Variants in DIP2C observed in about 807,000 individuals in gnomAD.
The protein encoded by DIP2C is disco-interacting protein 2 homolog C.
In DIP2C, 33 loss-of-function variants were observed where a neutral mutation model predicts 192.4. The ratio of observed to expected loss-of-function variants is 0.17; its 90% CI spans 0.13 to 0.23. The LOEUF (loss-of-function observed/expected upper bound fraction) is 0.23. Ranked by LOEUF, DIP2C falls within the 10% of genes least tolerant of loss-of-function variation. The pLI is 1.00. For missense variants in DIP2C, 1,537 were observed against 2,110.1 expected (o/e 0.73, Z 5.32); for synonymous variants, 979 against 864.1 (o/e 1.13, Z -2.33).
chr10:463,365 A>AG (rs1969946162), intron 3 of DIP2C, among the ~76,000 whole-genome samples: 2 of 152,182 alleles, frequency 1.3e-5, no homozygotes, highest in Admixed American at 6.5e-5. Flanking sequence ...ATAGACCAAC[A>AG]GGGGGCCAAA....
intron 10 of DIP2C, among the ~76,000 whole-genome samples, chr10:396,232 G>A (rs1564658437): frequency 6.6e-6 from 1 of 152,182 alleles, no homozygotes; most frequent in Non-Finnish European, 1.5e-5. Context: ...ACAGTGAAAC[G>A]TTTCATGGCT....
intron 32 of DIP2C, among the ~76,000 whole-genome samples, chr10:305,993 A>ATATATATATATATATGTATG (rs958069491): frequency 5.6e-5 from 8 of 142,700 alleles, no homozygotes; most frequent in African/African-American, 2.1e-4. Context: ...ATATATATAT[A>ATATATATATATATATGTATG]TTATATTTTT....
intron 1 of DIP2C, among the ~76,000 whole-genome samples, chr10:596,903 G>T (rs959623247): frequency 6.6e-6 from 1 of 152,228 alleles, no homozygotes. Context: ...TGAGCAATGC[G>T]CATAGTGACG....
At chr10:417,636 G>A (rs865828005) in intron 6 of DIP2C, among the ~76,000 whole-genome samples, 8 of 11,748 alleles carry the variant, frequency 6.8e-4, no homozygotes, top group African/African-American at 9.0e-4. Flanking sequence ...GTCAGGGCTC[G>A]GATAGGCCTC....
chr10:519,865 G>A (rs1846588128), intron 1 of DIP2C, among the ~76,000 whole-genome samples: 1 of 152,024 alleles, frequency 6.6e-6, no homozygotes, highest in Non-Finnish European at 1.5e-5. Flanking sequence ...CATTGAGGGG[G>A]AGGGGCCAGT....
chr10:600,518 C>T (rs571809194), intron 1 of DIP2C, among the ~76,000 whole-genome samples: 1 of 152,000 alleles, frequency 6.6e-6, no homozygotes. Context: ...TCCGGAGCGA[C>T]CCCACAAGCC....
intron 17 of DIP2C, among the ~76,000 whole-genome samples, chr10:376,862 G>A (rs1035329187): frequency 5.9e-5 from 9 of 152,176 alleles, no homozygotes; most frequent in Non-Finnish European, 1.2e-4. Context: ...CGCACCGCGA[G>A]GGGAAATTCA....
chr10:538,343 G>A (rs1002905665), intron 1 of DIP2C, among the ~76,000 whole-genome samples: 7 of 151,366 alleles, frequency 4.6e-5, no homozygotes, highest in African/African-American at 1.7e-4. Flanking sequence ...GTAGAGATGG[G>A]ATCTTGCTAT....
intron 1 of DIP2C, among the ~76,000 whole-genome samples, chr10:611,937 G>A (rs1853123846): frequency 6.6e-6 from 1 of 152,128 alleles, no homozygotes; most frequent in Non-Finnish European, 1.5e-5. Flanking sequence ...CCCTGTCCAA[G>A]TAAGCTCTTT....
At chr10:553,785 G>C (rs375534199) in intron 1 of DIP2C, among the ~76,000 whole-genome samples, 1 of 149,306 alleles carries the variant, frequency 6.7e-6, no homozygotes, top group Admixed American at 6.6e-5. Context: ...TAGGAGAAAA[G>C]GTATACCGCT....
At position 606,390 on chromosome 10, in the gene DIP2C, G is replaced by A. The variant is rs546616423; in HGVS notation, c.85+83104C>T. Among the ~76,000 whole-genome samples the A allele has an allele frequency of 1.3e-4, 19 of 150,062 alleles. No individual in the cohort carries two copies. In the South Asian group the frequency reaches 3.8e-3, roughly 30 times the overall value. ...CTCATTGGTTGGGAGGGGATCTCAC[G>A]GCCCCGCTGCCGTAATTACCTGCTG... On this transcript the variant is annotated intron_variant, in intron 1 of 36. Transcript: ENST00000280886.
At chr10:292,341 T>C (rs1354538678) in intron 32 of DIP2C, among the ~76,000 whole-genome samples, 1 of 152,240 alleles carries the variant, frequency 6.6e-6, no homozygotes, top group Non-Finnish European at 1.5e-5. Flanking sequence ...TCTTCCAGCC[T>C]GGCCTCTGTC....
At chr10:625,144 C>T (rs933978248) in intron 1 of DIP2C, among the ~76,000 whole-genome samples, 1 of 152,172 alleles carries the variant, frequency 6.6e-6, no homozygotes, top group Non-Finnish European at 1.5e-5. Flanking sequence ...GTGTCCTCAG[C>T]GGGTCACTGT....
chr10:451,480 C>CT (rs1301002955), intron 3 of DIP2C, among the ~76,000 whole-genome samples: 1 of 152,178 alleles, frequency 6.6e-6, no homozygotes. Context: ...TTTACAGCCT[C>CT]TTTCTATGTG....
chr10:375,768 C>T (rs1961496102), intron 17 of DIP2C, among the ~76,000 whole-genome samples: 1 of 152,172 alleles, frequency 6.6e-6, no homozygotes, highest in Admixed American at 6.5e-5. Context: ...AGCCTCACAG[C>T]CTCCAGTTCT....
intron 3 of DIP2C, among the ~76,000 whole-genome samples, chr10:452,170 G>A (rs918341437): frequency 2.0e-5 from 3 of 152,146 alleles, no homozygotes; most frequent in Non-Finnish European, 4.4e-5. Context: ...AACCAGTGGA[G>A]TCACTAAAAA....
intron 1 of DIP2C, among the ~76,000 whole-genome samples, chr10:600,964 C>T (rs923007178): frequency 1.4e-4 from 22 of 152,298 alleles, no homozygotes; most frequent in African/African-American, 5.3e-4. Context: ...TGTGGTGTCA[C>T]GTGCACACAT....
intron 17 of DIP2C, among the ~76,000 whole-genome samples, chr10:372,224 G>A (rs997182051): frequency 4.6e-5 from 7 of 151,938 alleles, no homozygotes; most frequent in African/African-American, 1.7e-4. Context: ...TACAGGCGCC[G>A]CCACCACAGC....
chr10:570,392 C>T (rs781285921), intron 1 of DIP2C, among the ~76,000 whole-genome samples: 1 of 152,234 alleles, frequency 6.6e-6, no homozygotes, highest in Non-Finnish European at 1.5e-5. Context: ...CAACCCCACA[C>T]TCCCTAGGTC....
Sources: gnomAD v4.1 joint callset for allele counts (sites outside exome capture counted in the v4.1 genomes callset) on GRCh38, gnomAD v4.1.1 for gene constraint, MANE v1.5 for transcripts, NCBI Gene and HGNC (gene_info 2026-07-23, HGNC 2026-07-21) for gene names.